The following APOBEC4 variants were observed in gnomAD, a reference collection of about 807,000 sequenced individuals.
APOBEC4 encodes the protein apolipoprotein B mRNA editing enzyme catalytic polypeptide like 4, also known as putative deaminase APOBEC-4.
For synonymous variants in APOBEC4, 141 were observed against 154.2 expected (o/e 0.91, Z 0.63); for missense variants, 375 against 441.2 (o/e 0.85, Z 1.34).
chr1:183,650,386 G>A (rs1650641339), intron 1 of APOBEC4, among the ~76,000 whole-genome samples: 1 of 151,978 alleles, frequency 6.6e-6, no homozygotes, highest in Non-Finnish European at 1.5e-5. Flanking sequence ...TACTAAAAAT[G>A]TAAAAAATTA....
At chr1:183,651,959 A>G (rs2102001131) in intron 1 of APOBEC4, among the ~76,000 whole-genome samples, 1 of 152,286 alleles carries the variant, frequency 6.6e-6, no homozygotes, top group Non-Finnish European at 1.5e-5. Context: ...GCTTTTTAAT[A>G]TTGTGCCCTT....
At position 183,647,662 on chromosome 1, in the gene APOBEC4, T is replaced by C. The variant is rs969019211; in HGVS notation, c.*16A>G. 3.2e-6 allele frequency: 5 copies of C among 1,576,640 alleles called. No individual in the cohort carries two copies. Among genetic ancestry groups the C allele is most frequent in the South Asian group, 1.2e-5 (1 of 86,536 alleles). Reference sequence around the variant, plus strand: ...AGTCCCTTGGTAATTGGTTTCATGCTGTAGGAATGTAGATTTTATTTCTTC... The same window carrying C: ...AGTCCCTTGGTAATTGGTTTCATGCCGTAGGAATGTAGATTTTATTTCTTC... On this transcript the variant is annotated 3_prime_UTR_variant, in exon 2 of 2. Transcript: ENST00000308641.
rs563035410 is a variant in APOBEC4, at chr1:183,646,327, T to C, written c.*1351A>G. 1.2e-4 allele frequency: 18 copies of C among 152,282 alleles called. No homozygotes were observed. Among genetic ancestry groups the C allele is most frequent in the Admixed American group, 1.0e-3 (16 of 15,300 alleles). The allele number at this position is 152,282 out of a possible 1,614,324, so 9.4% of individuals were successfully genotyped here. A position where few individuals can be genotyped will look rare whatever the true frequency, so the allele number is the denominator to read the frequency against. ...ATTTTAACCACAATACTAATTGCTATTCCTAAAATATGTTTTTCTTTCTCC... is the reference window on the plus strand; with the variant it reads ...ATTTTAACCACAATACTAATTGCTACTCCTAAAATATGTTTTTCTTTCTCC... On this transcript the variant is annotated 3_prime_UTR_variant, in exon 2 of 2. Coordinates refer to ENST00000308641, the MANE Select transcript of APOBEC4 (RefSeq NM_203454.3).
At chr1:183,648,948 A>G in intron 1 of APOBEC4, 137 bp from the exon 2 acceptor site, 1 of 588,004 alleles carries the variant, frequency 1.7e-6, no homozygotes, top group Non-Finnish European at 2.9e-6. Context: ...TTAAAAGCTC[A>G]GGATTCATTA....
rs1558132095 is a variant in APOBEC4, at chr1:183,648,118, C to T, written c.664G>A (p.Asp222Asn). The part of the protein sequence containing the change: ...QPILTGRALA[D>N]RHNAYEINAI... ...TTGATTTCATATGCGTTGTGCCTGT[C>T]AGCCAGTGCTCTCCCAGTTAAAATG... is the stretch of plus-strand genomic sequence containing the variant. Residue 222 changes from aspartate (D) to asparagine (N), a missense_variant, in exon 2 of 2, where the codon GAC becomes AAC. Transcript: ENST00000308641. 1 of 1,614,216 alleles carries T rather than the reference C, an allele frequency of 6.2e-7. No homozygotes were observed. The highest frequency in any genetic ancestry group is 1.3e-5 in the African/African-American group (1 of 75,046).
Position 183,647,770 on chromosome 1 carries a change from T to C in APOBEC4, c.1012A>G (p.Thr338Ala), listed in dbSNP as rs1650400949. 1 of 1,614,232 alleles carries C rather than the reference T, an allele frequency of 6.2e-7. No individual in the cohort carries two copies. The highest frequency in any genetic ancestry group is 1.3e-5 in the African/African-American group (1 of 75,062). Residue 338 changes from threonine to alanine, a missense_variant, in exon 2 of 2, where the codon ACT (threonine) becomes GCT (alanine). Thr to Ala is a moderately conservative substitution (Grantham distance 58). Transcript: ENST00000308641. Reference protein sequence around the residue: ...QETKDLGRLPTGRSVEIVEIT... With the variant: ...QETKDLGRLPAGRSVEIVEIT... Reference sequence around the variant, plus strand: ...TCCACTATCTCCACTGACCTTCCAGTGGGAAGCCTTCCAAGGTCCTTGGTT... The same window carrying C: ...TCCACTATCTCCACTGACCTTCCAGCGGGAAGCCTTCCAAGGTCCTTGGTT...
At chr1:183,651,136 T>C (rs1200759271) in intron 1 of APOBEC4, among the ~76,000 whole-genome samples, 2 of 152,226 alleles carry the variant, frequency 1.3e-5, no homozygotes. Flanking sequence ...GTCCAGTCTC[T>C]ACTCCTGTGA....
At chr1:183,652,250 G>A (rs3889890) in intron 1 of APOBEC4, among the ~76,000 whole-genome samples, 4 of 152,086 alleles carry the variant, frequency 2.6e-5, no homozygotes, top group African/African-American at 7.2e-5. Flanking sequence ...TTCTAAGCAC[G>A]CCTTCCTTTG....
In APOBEC4 at chr1:183,647,628, T is replaced by C; in HGVS notation, c.*50A>G. 1 of 1,513,090 alleles carries C rather than the reference T, an allele frequency of 6.6e-7. No homozygotes were observed. The highest frequency in any genetic ancestry group is 8.8e-7 in the Non-Finnish European group (1 of 1,133,366). 93.7% of individuals were successfully genotyped at this position (1,513,090 alleles called of 1,614,324 possible). On this transcript the variant is annotated 3_prime_UTR_variant, in exon 2 of 2. Coordinates refer to ENST00000308641, the MANE Select transcript of APOBEC4 (RefSeq NM_203454.3). Reference sequence around the variant, plus strand: ...AGAAAGTTTCCAGATTTTTATTGCCTATCTAATAAGTCCCTTGGTAATTGG... The same window carrying C: ...AGAAAGTTTCCAGATTTTTATTGCCCATCTAATAAGTCCCTTGGTAATTGG...
chr1:183,652,856 G>A (rs1650865816), intron 1 of APOBEC4, among the ~76,000 whole-genome samples: 1 of 152,196 alleles, frequency 6.6e-6, no homozygotes, highest in Non-Finnish European at 1.5e-5. Context: ...GCTGTGAGTG[G>A]CCCCTGGACT....
rs1395800019 is a variant in APOBEC4 at position 183,648,168 on chromosome 1, A to G, written c.614T>C (p.Val205Ala). Residue 205 changes from valine to alanine, a missense_variant, in exon 2 of 2, where the codon GTC becomes GCC. Coordinates refer to ENST00000308641, the MANE Select transcript of APOBEC4 (RefSeq NM_203454.3). ...GGGCTGAAAAACATGTGATCCTGAG[A>G]CACCACTTATAAAGCTGTGGAGAAC... ...HSVLHSFISG[V>A]SGSHVFQPIL... The G allele has an allele frequency of 1.2e-6, 2 of 1,614,116 alleles. No individual in the cohort carries two copies. Among genetic ancestry groups the G allele is most frequent in the African/African-American group, 1.3e-5 (1 of 74,934 alleles).
chr1:183,648,082 C>T lies in APOBEC4; in HGVS notation c.700G>A (p.Gly234Ser). The T allele has an allele frequency of 1.2e-6, 2 of 1,614,228 alleles. No homozygotes were observed. Among genetic ancestry groups the T allele is most frequent in the Non-Finnish European group, 1.7e-6 (2 of 1,180,034 alleles). ...HNAYEINAIT[G>S]VKPYFTDVLL... Reference sequence around the variant, plus strand: ...ACATCAGTGAAGTAAGGTTTTACGCCTGTTATGGCATTGATTTCATATGCG... The same window carrying T: ...ACATCAGTGAAGTAAGGTTTTACGCTTGTTATGGCATTGATTTCATATGCG... The change falls in exon 2 of 2, where the codon GGC becomes AGC. Residue 234 changes from glycine to serine, a missense_variant. Transcript: ENST00000308641.
intron 1 of APOBEC4, among the ~76,000 whole-genome samples, chr1:183,649,320 C>T (rs968639812): frequency 2.6e-5 from 4 of 152,188 alleles, no homozygotes; most frequent in Admixed American, 2.6e-4. Flanking sequence ...AAGTACAAAT[C>T]CTAGGGTTAT....
At chr1:183,650,312 G>C (rs895690115) in intron 1 of APOBEC4, among the ~76,000 whole-genome samples, 2 of 152,134 alleles carry the variant, frequency 1.3e-5, no homozygotes, top group Admixed American at 6.5e-5. Context: ...GGGAGGCCAG[G>C]GTGGGCGGAT....
chr1:183,646,595 T>A lies in APOBEC4; in HGVS notation c.*1083A>T, dbSNP rs1457969065. 6.6e-6 allele frequency: 1 copy of A among 152,232 alleles called. No individual in the cohort carries two copies. The highest frequency in any genetic ancestry group is 1.5e-5 in the Non-Finnish European group (1 of 68,036). The allele number at this position is 152,232 out of a possible 1,614,324, so 9.4% of individuals were successfully genotyped here. On this transcript the variant is annotated 3_prime_UTR_variant, in exon 2 of 2. Transcript: ENST00000308641. Reference sequence around the variant, plus strand: ...TTAATCAAGGAGCACTTCCTAGAAGTGTGTTTTGAAGATTTTAAGAGAAGG... The same window carrying A: ...TTAATCAAGGAGCACTTCCTAGAAGAGTGTTTTGAAGATTTTAAGAGAAGG...
chr1:183,653,302 T>C lies in APOBEC4; in HGVS notation c.-261A>G, dbSNP rs1329850819. 1 of 152,284 alleles carries C rather than the reference T, an allele frequency of 6.6e-6. No homozygotes were observed. Among genetic ancestry groups the C allele is most frequent in the Non-Finnish European group, 1.5e-5 (1 of 68,080 alleles). The allele number at this position is 152,284 out of a possible 1,614,324, so 9.4% of individuals were successfully genotyped here. ...AAGCCCTTGCTGAGGTGTGGCTACC[T>C]CTAAGAACACTGTTGATTGGGTGCC... On this transcript the variant is annotated 5_prime_UTR_variant, in exon 1 of 2. Coordinates refer to ENST00000308641, the MANE Select transcript of APOBEC4 (RefSeq NM_203454.3).
intron 1 of APOBEC4, among the ~76,000 whole-genome samples, chr1:183,650,366 AC>A (rs1426837315): frequency 2.0e-5 from 3 of 151,874 alleles, no homozygotes; most frequent in African/African-American, 4.8e-5. Flanking sequence ...ACATGGTGAA[AC>A]CCCGTCTCTA....
rs1320769566 is a variant in APOBEC4 at position 183,646,447 on chromosome 1, A to G, written c.*1231T>C. On this transcript the variant is annotated 3_prime_UTR_variant, in exon 2 of 2. Transcript: ENST00000308641. ...TATATATATATAAAGAAAAAAATTA[A>G]TAGCAAGTTACGAGAAAATGTACAT... The G allele has an allele frequency of 1.3e-5, 2 of 152,032 alleles. No homozygotes were observed. The highest frequency in any genetic ancestry group is 1.3e-4 in the Admixed American group (2 of 15,276). The allele number at this position is 152,032 out of a possible 1,614,324, so 9.4% of individuals were successfully genotyped here.
chr1:183,648,205 T>C lies in APOBEC4; in HGVS notation c.577A>G (p.Ile193Val), dbSNP rs868465234. 6 of 1,614,150 alleles carry C rather than the reference T, an allele frequency of 3.7e-6. No homozygotes were observed. The Middle Eastern group carries it at 9.9e-4, about 266-fold the overall frequency. ...RVVLSPISGGIWHSVLHSFIS... is the reference protein window; with the variant it reads ...RVVLSPISGGVWHSVLHSFIS... ...AAGCTGTGGAGAACAGAATGCCAGA[T>C]CCCACCACTTATTGGACTCAAAACA... The change falls in exon 2 of 2, where the codon ATC becomes GTC. Residue 193 changes from isoleucine to valine, a missense_variant. Transcript: ENST00000308641.
Sources: allele counts gnomAD v4.1 joint callset (sites outside exome capture counted in the v4.1 genomes callset), GRCh38; gene constraint gnomAD v4.1.1; transcripts MANE v1.5; gene names NCBI Gene and HGNC (gene_info 2026-07-23, HGNC 2026-07-21).